Variants in GRM8 observed in about 807,000 individuals in gnomAD.
GRM8 encodes glutamate metabotropic receptor 8, also known as metabotropic glutamate receptor 8.
GRM8 carries 47 observed loss-of-function variants against 87.2 expected under a neutral mutation model. The observed-to-expected ratio is 0.54, with a 90% CI of 0.43 to 0.69. GRM8 has a LOEUF of 0.69. Among genes scored for constraint, GRM8 ranks in the 30% least tolerant of loss-of-function variants. The probability of loss-of-function intolerance (pLI) is 0.00; values close to 1 mark genes in which losing one functional copy is unlikely to be tolerated. For missense variants in GRM8, 1,019 were observed against 1,139.2 expected, an observed-to-expected ratio of 0.89 and a Z score of 1.52; for synonymous variants, 396 against 404.5, an observed-to-expected ratio of 0.98 and a Z score of 0.25.
chr7:126,768,593 G>C (rs1563168535), intron 7 of GRM8, among the ~76,000 whole-genome samples: 1 of 151,808 alleles, frequency 6.6e-6, no homozygotes, highest in Non-Finnish European at 1.5e-5. Flanking sequence ...GCTTTCTTTA[G>C]TGCTTCTTTA....
chr7:127,044,479 TTAAAA>T (rs1563447142), intron 3 of GRM8, among the ~76,000 whole-genome samples: 2 of 152,168 alleles, frequency 1.3e-5, no homozygotes, highest in South Asian at 2.1e-4. Context: ...TTAAAATTAA[TTAAAA>T]TAAATCTGTT....
chr7:126,619,389 G>C (rs1217118187), intron 7 of GRM8, among the ~76,000 whole-genome samples: 1 of 152,080 alleles, frequency 6.6e-6, no homozygotes, highest in Non-Finnish European at 1.5e-5. Flanking sequence ...TGAGGGAAGT[G>C]GGGAGGGAAA....
chr7:126,724,949 T>C (rs547099638), intron 7 of GRM8, among the ~76,000 whole-genome samples: 1 of 152,256 alleles, frequency 6.6e-6, no homozygotes, highest in East Asian at 1.9e-4. Flanking sequence ...TGGAAACAAA[T>C]AGTACTTTGT....
At chr7:126,808,421 AG>A (rs1256024165) in intron 6 of GRM8, among the ~76,000 whole-genome samples, 1 of 152,208 alleles carries the variant, frequency 6.6e-6, no homozygotes, top group African/African-American at 2.4e-5. Context: ...CAGATCTGTG[AG>A]GGTAATCTGA....
intron 3 of GRM8, among the ~76,000 whole-genome samples, chr7:127,036,035 C>T (rs997306330): frequency 5.3e-5 from 8 of 152,120 alleles, no homozygotes; most frequent in African/African-American, 1.9e-4. Context: ...GCGTTTCACT[C>T]GCCTCAAAGA....
At chr7:127,188,621 ATTT>A (rs956129386) in intron 2 of GRM8, among the ~76,000 whole-genome samples, 1 of 152,006 alleles carries the variant, frequency 6.6e-6, no homozygotes, top group Non-Finnish European at 1.5e-5. Context: ...ATTTGACATA[ATTT>A]TTTTTAACTT....
At chr7:126,593,947 T>C (rs1020248124) in intron 8 of GRM8, among the ~76,000 whole-genome samples, 4 of 151,954 alleles carry the variant, frequency 2.6e-5, no homozygotes, top group Non-Finnish European at 5.9e-5. Context: ...CCTGAATAGA[T>C]GCTTTTCAAA....
intron 3 of GRM8, among the ~76,000 whole-genome samples, chr7:126,910,245 T>C (rs1803148994): frequency 1.3e-5 from 2 of 152,214 alleles, no homozygotes; most frequent in Admixed American, 1.3e-4. Flanking sequence ...ACTTCTTTCA[T>C]ACTGCAGCAA....
intron 7 of GRM8, among the ~76,000 whole-genome samples, chr7:126,706,495 C>A (rs1026200032): frequency 1.3e-5 from 2 of 152,078 alleles, no homozygotes; most frequent in Non-Finnish European, 2.9e-5. Context: ...AGAAGGTCAG[C>A]CATTTTGTCT....
chr7:126,652,423 C>T (rs1427680332), intron 7 of GRM8, among the ~76,000 whole-genome samples: 1 of 152,084 alleles, frequency 6.6e-6, no homozygotes, highest in African/African-American at 2.4e-5. Flanking sequence ...CATATTGATA[C>T]TGGGTGTGTC....
At chr7:126,627,331 A>G (rs1056694152) in intron 7 of GRM8, among the ~76,000 whole-genome samples, 1 of 152,228 alleles carries the variant, frequency 6.6e-6, no homozygotes, top group Non-Finnish European at 1.5e-5. Flanking sequence ...AGATGCTACT[A>G]AACATCCCAC....
At chr7:126,560,280 A>C (rs1303803425) in intron 8 of GRM8, among the ~76,000 whole-genome samples, 2 of 152,216 alleles carry the variant, frequency 1.3e-5, no homozygotes, top group African/African-American at 4.8e-5. Context: ...CTCATTGCTA[A>C]TATTTCATAT....
intron 7 of GRM8, among the ~76,000 whole-genome samples, chr7:126,706,429 A>G (rs1228867691): frequency 1.3e-5 from 2 of 152,082 alleles, no homozygotes; most frequent in African/African-American, 2.4e-5. Flanking sequence ...CAGAAGGCAG[A>G]GAAAAGCCAA....
At chr7:126,976,647 CA>C (rs1485500428) in intron 3 of GRM8, among the ~76,000 whole-genome samples, 1 of 151,908 alleles carries the variant, frequency 6.6e-6, no homozygotes, top group African/African-American at 2.4e-5. Context: ...TGAAATTTAA[CA>C]AAAAATGGTC....
At chr7:126,835,041 A>G (rs1337525510) in intron 6 of GRM8, among the ~76,000 whole-genome samples, 1 of 151,364 alleles carries the variant, frequency 6.6e-6, no homozygotes, top group Non-Finnish European at 1.5e-5. Context: ...GCACCACTGC[A>G]CTCCAGCCTG....
At chr7:126,582,972 C>G (rs909214552) in intron 8 of GRM8, among the ~76,000 whole-genome samples, 1 of 152,126 alleles carries the variant, frequency 6.6e-6, no homozygotes, top group Non-Finnish European at 1.5e-5. Flanking sequence ...ATAGAGAGAT[C>G]AATGTTGTTT....
At chr7:127,192,905 A>G (rs546538967) in intron 2 of GRM8, among the ~76,000 whole-genome samples, 2 of 152,056 alleles carry the variant, frequency 1.3e-5, no homozygotes, top group East Asian at 1.9e-4. Context: ...CCCTAAAGGT[A>G]TCTCATGTTT....
chr7:127,151,234 A>C (rs1360037072), intron 2 of GRM8, among the ~76,000 whole-genome samples: 1 of 151,960 alleles, frequency 6.6e-6, no homozygotes. Flanking sequence ...ATGCTATTCC[A>C]GATCCTTCTC....
intron 3 of GRM8, among the ~76,000 whole-genome samples, chr7:126,940,306 C>T (rs1298499820): frequency 1.3e-5 from 2 of 152,142 alleles, no homozygotes; most frequent in African/African-American, 2.4e-5. Context: ...TACAGTGTTT[C>T]CTCTTGCAGG....
Sources: gnomAD v4.1 joint callset for allele counts (sites outside exome capture counted in the v4.1 genomes callset) on GRCh38, gnomAD v4.1.1 for gene constraint, MANE v1.5 for transcripts, NCBI Gene and HGNC (gene_info 2026-07-23, HGNC 2026-07-21) for gene names.